TFDP1: variants seen among roughly 807,000 people sequenced by gnomAD.
TFDP1 encodes the protein transcription factor Dp-1, also known as DRTF1-polypeptide 1.
TFDP1 carries 6 observed loss-of-function variants against 48.0 expected under a neutral mutation model. The ratio of observed to expected loss-of-function variants is 0.13; its 90% confidence interval spans 0.07 to 0.25. The LOEUF is 0.25. Ranked by LOEUF, TFDP1 falls within the 10% of genes least tolerant of loss-of-function variation. The pLI, the probability that TFDP1 is intolerant of heterozygous loss-of-function variation, is 1.00. For synonymous variants in TFDP1, 201 were observed against 211.6 expected (o/e 0.95, Z 0.44); for missense variants, 335 against 543.0 (o/e 0.62, Z 3.81).
At chr13:113,635,699 G>T (rs1314943928) in intron 8 of TFDP1, among the ~76,000 whole-genome samples, 2 of 152,234 alleles carry the variant, frequency 1.3e-5, no homozygotes, top group Admixed American at 6.5e-5. Context: ...CAAAATTGGT[G>T]TTTTGTTGAG....
chr13:113,594,759 A>C (rs1274945766), intron 2 of TFDP1, among the ~76,000 whole-genome samples: 2 of 152,222 alleles, frequency 1.3e-5, no homozygotes, highest in Admixed American at 6.5e-5. Context: ...TTGCTTTTTA[A>C]TTGTATCCAT....
rs1326299171 is a variant in TFDP1, at chr13:113,584,950, C to T, written c.-65+62C>T. The T allele has an allele frequency of 3.4e-5, 5 of 146,416 alleles. No individual in the cohort carries two copies. In the East Asian group the frequency reaches 8.0e-4, roughly 23 times the overall value. The allele number at this position is 146,416 out of a possible 1,614,324, so 9.1% of individuals were successfully genotyped here. A position where few individuals can be genotyped will look rare whatever the true frequency, so the allele number is the denominator to read the frequency against. On this transcript the variant is annotated intron_variant, in intron 1 of 11. Coordinates refer to ENST00000375370, the MANE Select transcript of TFDP1 (RefSeq NM_007111.5). ...CGGGAGCCGGGGGTGCGGGCGGGAC[C>T]CCCGGCCACCCCATCCCTTGCCCCG...
At chr13:113,608,165 G>A (rs2048616138) in intron 2 of TFDP1, among the ~76,000 whole-genome samples, 1 of 152,120 alleles carries the variant, frequency 6.6e-6, no homozygotes, top group Non-Finnish European at 1.5e-5. Context: ...TGCAGGCATG[G>A]GGAGGAGCAG....
rs920597925 is a variant in TFDP1, at chr13:113,607,865, G to A, written c.13-3131G>A. On this transcript the variant is annotated intron_variant, in intron 2 of 11. Coordinates refer to ENST00000375370, the MANE Select transcript of TFDP1 (RefSeq NM_007111.5). This position sits in a 1 kb window ranked among gnomAD's most constrained non-coding sequence, Gnocchi z 5.2. ...CCGGAGCTGACCACCAAGTCGACGG[G>A]GCAGAGTGAGAAACATCCAGGCCAC... Among the ~76,000 whole-genome samples the A allele has an allele frequency of 6.6e-6, 1 of 152,230 alleles. No individual in the cohort carries two copies. The highest frequency in any genetic ancestry group is 2.4e-5 in the African/African-American group (1 of 41,466).
chr13:113,624,968 ATCTCTCACATGTCCTCAGGTG>A (rs2049096402), intron 4 of TFDP1, among the ~76,000 whole-genome samples: 2 of 98,700 alleles, frequency 2.0e-5, no homozygotes, highest in Non-Finnish European at 3.9e-5. Flanking sequence ...CTCTCAGGGT[ATCTCTCACATGTCCTCAGGTG>A]TCTCTCACGT....
chr13:113,591,852 C>G (rs1448366548), intron 2 of TFDP1, among the ~76,000 whole-genome samples: 1 of 152,206 alleles, frequency 6.6e-6, no homozygotes, highest in Non-Finnish European at 1.5e-5. Flanking sequence ...TAGGTGACCC[C>G]TCATCCCCCA....
chr13:113,591,026 A>AAAG (rs1555350057), intron 2 of TFDP1, among the ~76,000 whole-genome samples: 65 of 145,552 alleles, frequency 4.5e-4, no homozygotes, highest in African/African-American at 1.6e-3. Flanking sequence ...AAAAAAAAAA[A>AAAG]AAAAGAAAAA....
At chr13:113,617,309 G>A (rs2048882145) in intron 3 of TFDP1, among the ~76,000 whole-genome samples, 2 of 152,206 alleles carry the variant, frequency 1.3e-5, no homozygotes, top group South Asian at 4.1e-4. Context: ...GTGCCTGGCT[G>A]TGGTCGCTTA....
In TFDP1 at chr13:113,607,873, G is replaced by A. The variant is rs2048608098; in HGVS notation, c.13-3123G>A. ...GACCACCAAGTCGACGGGGCAGAGT[G>A]AGAAACATCCAGGCCACCTGTGCCG... On this transcript the variant is annotated intron_variant, in intron 2 of 11. Transcript: ENST00000375370. This position sits in a 1 kb window ranked among gnomAD's most constrained non-coding sequence, Gnocchi z 5.2. Among the ~76,000 whole-genome samples the A allele has an allele frequency of 6.6e-6, 1 of 152,242 alleles. No individual in the cohort carries two copies. Among genetic ancestry groups the A allele is most frequent in the Non-Finnish European group, 1.5e-5 (1 of 68,046 alleles).
chr13:113,623,927 C>G lies in TFDP1; in HGVS notation c.186+641C>G, dbSNP rs1488810525. On this transcript the variant is annotated intron_variant, in intron 4 of 11. Coordinates refer to ENST00000375370, the MANE Select transcript of TFDP1 (RefSeq NM_007111.5). The surrounding 1 kb of genome is among the most constrained non-coding windows in gnomAD (Gnocchi z 5.2). The stretch of plus-strand genomic sequence containing the variant: ...CAGCCTACTGGAGACAGGGAGCCCA[C>G]ACAGAATCCTGACCTCACCAGAAAT... Among the ~76,000 whole-genome samples the G allele has an allele frequency of 2.0e-5, 3 of 152,202 alleles. No homozygotes were observed. Among genetic ancestry groups the G allele is most frequent in the Non-Finnish European group, 4.4e-5 (3 of 68,036 alleles).
At chr13:113,585,144 C>T (rs988908929) in intron 1 of TFDP1, 1 of 146,698 alleles carries the variant, frequency 6.8e-6, no homozygotes, top group East Asian at 2.0e-4. Context: ...GCGCCCCACG[C>T]TGGAGGTGGG....
At chr13:113,620,356 C>G (rs1438286966) in intron 3 of TFDP1, among the ~76,000 whole-genome samples, 1 of 152,232 alleles carries the variant, frequency 6.6e-6, no homozygotes, top group African/African-American at 2.4e-5. Context: ...CCTGGCTGTT[C>G]AGGACGGAAA....
At chr13:113,612,269 T>C (rs2048727114) in intron 3 of TFDP1, among the ~76,000 whole-genome samples, 1 of 152,190 alleles carries the variant, frequency 6.6e-6, no homozygotes, top group Non-Finnish European at 1.5e-5. Context: ...CTCTGGTCTC[T>C]TCCTTGAGAG....
In TFDP1 at chr13:113,631,678, C is replaced by T. The variant is rs961636957; in HGVS notation, c.242C>T (p.Pro81Leu). ...AASNTLVVGSPHTPSTHFASQ... is the reference protein window; with the variant it reads ...AASNTLVVGSLHTPSTHFASQ... ...TCAAACACCCTGGTGGTAGGAAGCCCACACACCCCCAGCACTCACTTTGCC... is the reference window on the plus strand; with the variant it reads ...TCAAACACCCTGGTGGTAGGAAGCCTACACACCCCCAGCACTCACTTTGCC... Residue 81 changes from proline (P) to leucine (L), a missense_variant, in exon 5 of 12, where the codon CCA (proline) becomes CTA (leucine). Pro to Leu is a moderately conservative substitution (Grantham distance 98, BLOSUM62 -3). This residue lies in a region of TFDP1 where 103 missense variants were observed against 140.4 expected (regional missense o/e 0.73). Transcript: ENST00000375370. 5 of 1,614,184 alleles carry T rather than the reference C, an allele frequency of 3.1e-6. No homozygotes were observed. The highest frequency in any genetic ancestry group is 4.2e-6 in the Non-Finnish European group (5 of 1,180,024).
intron 2 of TFDP1, among the ~76,000 whole-genome samples, chr13:113,610,508 C>T (rs1198166873): frequency 2.7e-5 from 4 of 149,546 alleles, no homozygotes; most frequent in Admixed American, 6.7e-5. Context: ...CGTGTGCCCC[C>T]GCTGTGTGGT....
chr13:113,640,588 TG>T lies in TFDP1; in HGVS notation c.*322del, dbSNP rs1335569068. Reference sequence around the variant, plus strand: ...TTTTTGCTGAGTTTGCTGAAGAAATTGTATTTCAACCACATCCATGAAAATA... The same window carrying T: ...TTTTTGCTGAGTTTGCTGAAGAAATTTATTTCAACCACATCCATGAAAATA... On this transcript the variant is annotated 3_prime_UTR_variant, in exon 12 of 12. Transcript: ENST00000375370. The T allele has an allele frequency of 3.4e-6, 1 of 296,312 alleles. No individual in the cohort carries two copies. The highest frequency in any genetic ancestry group is 6.3e-6 in the Non-Finnish European group (1 of 157,778). The allele number at this position is 296,312 out of a possible 1,614,324, so 18.4% of individuals were successfully genotyped here.
At chr13:113,597,056 C>T (rs1456982803) in intron 2 of TFDP1, among the ~76,000 whole-genome samples, 1 of 152,160 alleles carries the variant, frequency 6.6e-6, no homozygotes, top group Non-Finnish European at 1.5e-5. Flanking sequence ...GTCCTGGGCC[C>T]TCTGGATACC....
rs1057456148 is a variant in TFDP1 at position 113,623,569 on chromosome 13, C to T, written c.186+283C>T. Among the ~76,000 whole-genome samples, 5 of 152,134 alleles carry T rather than the reference C, an allele frequency of 3.3e-5. No individual in the cohort carries two copies. The highest frequency in any genetic ancestry group is 1.2e-4 in the African/African-American group (5 of 41,430). On this transcript the variant is annotated intron_variant, in intron 4 of 11. Coordinates refer to ENST00000375370, the MANE Select transcript of TFDP1 (RefSeq NM_007111.5). This position sits in a 1 kb window ranked among gnomAD's most constrained non-coding sequence, Gnocchi z 5.2. ...TGGAGGGTGGTGGGTGGGGCCGCGG[C>T]CCCAACCAGAGGCAGCTTCCTTTTA...
chr13:113,588,069 T>C (rs2140257404), intron 2 of TFDP1, among the ~76,000 whole-genome samples: 1 of 152,260 alleles, frequency 6.6e-6, no homozygotes, highest in Middle Eastern at 3.4e-3. Context: ...AGGCTTGTCT[T>C]GAACTCCTGA....
Sources: gnomAD v4.1 joint callset for allele counts (sites outside exome capture counted in the v4.1 genomes callset) on GRCh38, gnomAD v4.1.1 for gene constraint, gnomAD v4.1.1 regional missense constraint, Gnocchi (gnomAD v3.1) non-coding constraint, MANE v1.5 for transcripts, NCBI Gene and HGNC (gene_info 2026-07-23, HGNC 2026-07-21) for gene names.